Variants in TMEM182 observed in about 807,000 individuals in gnomAD.
TMEM182 encodes transmembrane protein 182.
TMEM182 carries 20 observed loss-of-function variants against 26.8 expected under a neutral mutation model. The observed-to-expected ratio is 0.75, with a 90% CI of 0.53 to 1.09. The LOEUF is 1.09. TMEM182 is among the 50% of genes least tolerant of loss of function. TMEM182 has a pLI of 0.00. For missense variants in TMEM182, 277 were observed against 275.5 expected (o/e 1.01, Z -0.04); for synonymous variants, 109 against 102.2 (o/e 1.07, Z -0.40).
At chr2:102,784,888 A>G (rs1297041168) in intron 3 of TMEM182, among the ~76,000 whole-genome samples, 1 of 152,070 alleles carries the variant, frequency 6.6e-6, no homozygotes, top group Non-Finnish European at 1.5e-5. Flanking sequence ...CTTTACTGCA[A>G]CCTGTTTTAT....
chr2:102,788,869 ACGCTGAG>A (rs1197006196), intron 3 of TMEM182, among the ~76,000 whole-genome samples: 3 of 152,156 alleles, frequency 2.0e-5, no homozygotes, highest in African/African-American at 4.8e-5. Context: ...TCAATGGGCC[ACGCTGAG>A]CACTGGACTT....
At chr2:102,753,436 T>G (rs1013953695) in intron 1 of TMEM182, among the ~76,000 whole-genome samples, 1 of 152,212 alleles carries the variant, frequency 6.6e-6, no homozygotes, top group African/African-American at 2.4e-5. Context: ...TGTAAACTAT[T>G]CATTGGGGTC....
chr2:102,783,692 G>T (rs1681267573), intron 3 of TMEM182, among the ~76,000 whole-genome samples: 1 of 152,142 alleles, frequency 6.6e-6, no homozygotes, highest in South Asian at 2.1e-4. Flanking sequence ...TGAAGTGGGA[G>T]GATCTCTTGA....
intron 3 of TMEM182, among the ~76,000 whole-genome samples, chr2:102,836,453 T>C (rs903265091): frequency 3.3e-5 from 5 of 152,174 alleles, no homozygotes; most frequent in Non-Finnish European, 7.4e-5. Flanking sequence ...TGGTATCTCA[T>C]TTTGCTGAAG....
chr2:102,789,871 C>A (rs1440298518), intron 3 of TMEM182, among the ~76,000 whole-genome samples: 1 of 152,086 alleles, frequency 6.6e-6, no homozygotes, highest in African/African-American at 2.4e-5. Context: ...CAGGGAGCAG[C>A]TTCTTACCCC....
At position 102,762,142 on chromosome 2, in the gene TMEM182, G is replaced by A; in HGVS notation, c.-76G>A. 2 of 852,432 alleles carry A rather than the reference G, an allele frequency of 2.3e-6. No individual in the cohort carries two copies. Among genetic ancestry groups the A allele is most frequent in the South Asian group, 1.9e-5 (1 of 51,476 alleles). The allele number at this position is 852,432 out of a possible 1,614,324, so 52.8% of individuals were successfully genotyped here. On this transcript the variant is annotated 5_prime_UTR_variant, in exon 1 of 5. Coordinates refer to ENST00000412401, the MANE Select transcript of TMEM182 (RefSeq NM_144632.5). ...TTATTCTTTTTTTTTTTTTTTTGCT[G>A]TTGTTTCTGAGAAACTAGGTGTCTT...
chr2:102,818,578 G>A (rs1682828711), downstream of TMEM182, among the ~76,000 whole-genome samples: 1 of 152,122 alleles, frequency 6.6e-6, no homozygotes, highest in African/African-American at 2.4e-5. Context: ...GAACGACAAT[G>A]GAGATGCCCG....
In TMEM182 at chr2:102,797,887, T is replaced by C; in HGVS notation, c.356T>C (p.Leu119Pro). The change falls in exon 4 of 5, where the codon CTG (leucine) becomes CCG (proline). Residue 119 changes from leucine to proline, a missense_variant. By Grantham distance (98) the Leu-to-Pro change is moderately conservative. Transcript: ENST00000412401. ...GTTTACCGTGGTTTCTGGGCAGTCCTGATGCTCCTGGGGGTAGTTGCTGTA... is the reference window on the plus strand; with the variant it reads ...GTTTACCGTGGTTTCTGGGCAGTCCCGATGCTCCTGGGGGTAGTTGCTGTA... Reference protein sequence around the residue: ...AVIYRGFWAVLMLLGVVAVVI... With the variant: ...AVIYRGFWAVPMLLGVVAVVI... 6.2e-7 allele frequency: 1 copy of C among 1,613,964 alleles called. No homozygotes were observed. The highest frequency in any genetic ancestry group is 8.5e-7 in the Non-Finnish European group (1 of 1,179,944).
intron 3 of TMEM182, among the ~76,000 whole-genome samples, chr2:102,838,597 T>C (rs1303766609): frequency 6.6e-6 from 1 of 152,156 alleles, no homozygotes; most frequent in Non-Finnish European, 1.5e-5. Context: ...GCCCCTTTCA[T>C]TTGTCAGTAG....
chr2:102,827,110 G>T (rs1683048046), intron 3 of TMEM182, among the ~76,000 whole-genome samples: 2 of 152,278 alleles, frequency 1.3e-5, no homozygotes, highest in South Asian at 4.1e-4. Context: ...ATGGCTATTT[G>T]GCAGCTATTT....
intron 4 of TMEM182, among the ~76,000 whole-genome samples, chr2:102,803,880 T>C (rs1285885447): frequency 6.6e-6 from 1 of 151,926 alleles, no homozygotes; most frequent in Non-Finnish European, 1.5e-5. Context: ...CGTCCACACC[T>C]GCAGGCACAC....
chr2:102,808,133 T>A (rs935969148), intron 4 of TMEM182, among the ~76,000 whole-genome samples: 1 of 152,164 alleles, frequency 6.6e-6, no homozygotes. Flanking sequence ...TAGCTCTTTC[T>A]CCTTGGTTGT....
chr2:102,783,379 A>G (rs999544628), intron 3 of TMEM182, among the ~76,000 whole-genome samples: 2 of 152,252 alleles, frequency 1.3e-5, no homozygotes, highest in Admixed American at 6.5e-5. Flanking sequence ...TCTAAGCAGA[A>G]GAGTCAGAAG....
chr2:102,780,852 T>A lies in TMEM182; in HGVS notation c.331+16425T>A. On this transcript the variant is annotated intron_variant, in intron 3 of 4. Coordinates refer to ENST00000412401, the MANE Select transcript of TMEM182 (RefSeq NM_144632.5). Reference sequence around the variant, plus strand: ...AAGTAGAGGGGTTATTTTCTAAAAGTTTTTTGCCTTGGCATGCTATCCTTT... The same window carrying A: ...AAGTAGAGGGGTTATTTTCTAAAAGATTTTTGCCTTGGCATGCTATCCTTT... 1.3e-5 allele frequency among the ~76,000 whole-genome samples: 2 copies of A among 152,254 alleles called. 1 individual carries two copies. The highest frequency in any genetic ancestry group is 4.8e-5 in the African/African-American group (2 of 41,548).
intron 3 of TMEM182, among the ~76,000 whole-genome samples, chr2:102,777,520 ATTCC>A (rs764166557): frequency 1.3e-5 from 2 of 152,004 alleles, no homozygotes; most frequent in African/African-American, 2.4e-5. Flanking sequence ...CAATACTACA[ATTCC>A]TTTGTTATTC....
At chr2:102,839,064 G>A (rs902618716) in intron 3 of TMEM182, among the ~76,000 whole-genome samples, 1 of 152,150 alleles carries the variant, frequency 6.6e-6, no homozygotes, top group Non-Finnish European at 1.5e-5. Context: ...TGATAAAGAG[G>A]TTCTCAATTG....
rs541896287 is a variant in TMEM182, at chr2:102,787,151, A to G, written c.332-10712A>G. Among the ~76,000 whole-genome samples, 37 of 152,302 alleles carry G rather than the reference A, an allele frequency of 2.4e-4. 1 individual carries two copies. Among genetic ancestry groups the G allele is most frequent in the African/African-American group, 8.2e-4 (34 of 41,566 alleles). ...GTAACTCTCTCCGTGATGTCCCTTT[A>G]AGGAAGGAAGGATGCTTTCTCAGAT... On this transcript the variant is annotated intron_variant, in intron 3 of 4. Coordinates refer to ENST00000412401, the MANE Select transcript of TMEM182 (RefSeq NM_144632.5).
At chr2:102,824,035 A>T (rs1682980899) in intron 3 of TMEM182, among the ~76,000 whole-genome samples, 1 of 152,250 alleles carries the variant, frequency 6.6e-6, no homozygotes, top group African/African-American at 2.4e-5. Context: ...GAAATAAAAG[A>T]TTCAGAAAGA....
intron 3 of TMEM182, among the ~76,000 whole-genome samples, chr2:102,769,470 G>C (rs959652399): frequency 4.6e-5 from 7 of 151,966 alleles, no homozygotes; most frequent in African/African-American, 1.7e-4. Flanking sequence ...CAAACAATAA[G>C]TATTATTTTA....
Sources: allele counts gnomAD v4.1 joint callset (sites outside exome capture counted in the v4.1 genomes callset), GRCh38; gene constraint gnomAD v4.1.1; transcripts MANE v1.5; gene names NCBI Gene and HGNC (gene_info 2026-07-23, HGNC 2026-07-21).